REPS1: variants seen among roughly 807,000 people sequenced by gnomAD.
REPS1 encodes RALBP1 associated Eps domain containing 1, also known as ralBP1-associated Eps domain-containing protein 1.
A neutral mutation model predicts 100.9 loss-of-function variants in REPS1; 39 were observed. The ratio of observed to expected loss-of-function variants is 0.39; its 90% CI spans 0.30 to 0.50. REPS1 has a LOEUF of 0.50. REPS1 is among the 20% of genes least tolerant of loss of function. The pLI is 0.86. For missense variants in REPS1, 821 were observed against 968.5 expected (o/e 0.85, Z 2.02); for synonymous variants, 324 against 340.3 (o/e 0.95, Z 0.53).
chr6:138,904,134 T>A lies in REPS1; in HGVS notation c.*930A>T, dbSNP rs940459604. On this transcript the variant is annotated 3_prime_UTR_variant, in exon 20 of 20. Coordinates refer to ENST00000450536, the MANE Select transcript of REPS1 (RefSeq NM_001286611.2). Reference sequence around the variant, plus strand: ...AATAAATCTTAAAGGGAATATCTGCTGTTAGCAATGGATCGAAATGTATAT... The same window carrying A: ...AATAAATCTTAAAGGGAATATCTGCAGTTAGCAATGGATCGAAATGTATAT... 6.6e-6 allele frequency: 1 copy of A among 152,200 alleles called. No homozygotes were observed. The highest frequency in any genetic ancestry group is 1.5e-5 in the Non-Finnish European group (1 of 68,020). The allele number at this position is 152,200 out of a possible 1,614,324, so 9.4% of individuals were successfully genotyped here.
rs564418995 is a variant in REPS1, at chr6:138,942,618, T to C, written c.980+895A>G. Among the ~76,000 whole-genome samples, 8 of 152,246 alleles carry C rather than the reference T, an allele frequency of 5.3e-5. No homozygotes were observed. In the South Asian group the frequency reaches 1.7e-3, roughly 32 times the overall value. On this transcript the variant is annotated intron_variant, in intron 7 of 19. Transcript: ENST00000450536. ...CACCACACCTTGCTAATTTTTTTCT[T>C]TTTAATAGAGATGGGGTTTCACCAT... is the stretch of plus-strand genomic sequence containing the variant.
At chr6:138,942,968 A>G (rs1003068001) in intron 7 of REPS1, among the ~76,000 whole-genome samples, 3 of 152,054 alleles carry the variant, frequency 2.0e-5, no homozygotes, top group African/African-American at 7.2e-5. Context: ...GGCTGGTCTC[A>G]AACTCCTGAG....
At chr6:138,915,514 G>A (rs1157751327) in intron 14 of REPS1, among the ~76,000 whole-genome samples, 2 of 148,908 alleles carry the variant, frequency 1.3e-5, no homozygotes, top group African/African-American at 5.0e-5. Flanking sequence ...GTGCAGTGAT[G>A]CAATCTTGGC....
chr6:138,909,157 T>C (rs1214043486), intron 17 of REPS1, among the ~76,000 whole-genome samples: 1 of 152,248 alleles, frequency 6.6e-6, no homozygotes, highest in African/African-American at 2.4e-5. Flanking sequence ...GAAATATCTA[T>C]GCATTATCAC....
intron 8 of REPS1, among the ~76,000 whole-genome samples, chr6:138,936,625 G>C (rs182241504): frequency 3.7e-5 from 5 of 136,596 alleles, no homozygotes; most frequent in East Asian, 4.8e-4. Context: ...GTATGTTTGG[G>C]GGGGGGTAGA....
At chr6:138,944,130 T>C in intron 5 of REPS1, 115 bp from the exon 6 acceptor site, 1 of 949,928 alleles carries the variant, frequency 1.1e-6, no homozygotes, top group Non-Finnish European at 1.6e-6. Context: ...ATATTTAAAA[T>C]GTAAAACCAC....
chr6:138,917,615 C>G lies in REPS1; in HGVS notation c.1541G>C (p.Ser514Thr), dbSNP rs756188622. The G allele has an allele frequency of 8.7e-6, 14 of 1,612,844 alleles. No homozygotes were observed. Among genetic ancestry groups the G allele is most frequent in the Non-Finnish European group, 1.2e-5 (14 of 1,179,128 alleles). Reference sequence around the variant, plus strand: ...GTCAGAAGTAAAAGAGTCTGAACTACTGTAACCATCTGCTGATAAATGGGA... The same window carrying G: ...GTCAGAAGTAAAAGAGTCTGAACTAGTGTAACCATCTGCTGATAAATGGGA... ...ASGNTVADGY[S>T]SSDSFTSDPE... The change falls in exon 13 of 20, where the codon AGT becomes ACT. Residue 514 changes from serine to threonine, a missense_variant. Physicochemically the swap from Ser to Thr is moderately conservative, Grantham distance 58 (BLOSUM62 1). Transcript: ENST00000450536.
chr6:138,961,286 G>A (rs1783722661), intron 1 of REPS1, among the ~76,000 whole-genome samples: 1 of 152,084 alleles, frequency 6.6e-6, no homozygotes, highest in African/African-American at 2.4e-5. Context: ...GCCCAGGCTG[G>A]AGTGCAGTGG....
rs776393654 is a variant in REPS1 at position 138,945,577 on chromosome 6, G to A, written c.398C>T (p.Pro133Leu). 2 of 1,613,638 alleles carry A rather than the reference G, an allele frequency of 1.2e-6. No homozygotes were observed. Among genetic ancestry groups the A allele is most frequent in the Non-Finnish European group, 1.7e-6 (2 of 1,179,868 alleles). The change falls in exon 3 of 20, where the codon CCA (proline) becomes CTA (leucine). Residue 133 changes from proline to leucine, a missense_variant. Around this residue, in one of 3 missense-constraint regions of REPS1, gnomAD observed 757 missense variants for 866.4 expected, o/e 0.87. Coordinates refer to ENST00000450536, the MANE Select transcript of REPS1 (RefSeq NM_001286611.2). The stretch of plus-strand genomic sequence containing the variant: ...CTTTTTCACTTGCCCCCTGCCAGGT[G>A]GTGGGGGAATTACACCAGAATACGA... Reference protein sequence around the residue: ...QGSYSGVIPPPPGRGQVKKGS... With the variant: ...QGSYSGVIPPLPGRGQVKKGS...
intron 17 of REPS1, chr6:138,911,061 C>A: frequency 4.6e-6 from 2 of 435,894 alleles, no homozygotes; most frequent in Non-Finnish European, 8.2e-6. Context: ...ATGCAATAAC[C>A]ACTTAAATTT....
chr6:138,914,241 TTTG>T (rs1454313305), intron 15 of REPS1, among the ~76,000 whole-genome samples: 1 of 151,922 alleles, frequency 6.6e-6, no homozygotes, highest in Non-Finnish European at 1.5e-5. Context: ...AGCTAATTTT[TTTG>T]TTTTGTTTTT....
chr6:138,922,712 C>T (rs1186273100), intron 10 of REPS1, among the ~76,000 whole-genome samples: 1 of 152,186 alleles, frequency 6.6e-6, no homozygotes, highest in Non-Finnish European at 1.5e-5. Flanking sequence ...TCAGTTCACA[C>T]TCTGTATATG....
At chr6:138,907,406 G>T in intron 19 of REPS1, 89 bp downstream of exon 19, 1 of 818,468 alleles carries the variant, frequency 1.2e-6, no homozygotes, top group Non-Finnish European at 2.0e-6. Context: ...CCATATATGT[G>T]ATCTTGGAGG....
intron 1 of REPS1, among the ~76,000 whole-genome samples, chr6:138,978,292 T>TC (rs1491360471): frequency 1.4e-5 from 2 of 147,550 alleles, no homozygotes; most frequent in Non-Finnish European, 3.0e-5. Flanking sequence ...CTTTTCCTTT[T>TC]CTTTTTTTTT....
intron 18 of REPS1, among the ~76,000 whole-genome samples, chr6:138,908,406 T>G (rs529152335): frequency 6.6e-6 from 1 of 152,268 alleles, no homozygotes; most frequent in Non-Finnish European, 1.5e-5. Context: ...GCAATTCTCC[T>G]ACCTCAGCTT....
intron 1 of REPS1, among the ~76,000 whole-genome samples, chr6:138,969,230 T>C (rs920608662): frequency 1.3e-5 from 2 of 149,634 alleles, no homozygotes; most frequent in East Asian, 4.0e-4. Flanking sequence ...CTTTCTGCCC[T>C]AGTTGCAAAC....
intron 7 of REPS1, among the ~76,000 whole-genome samples, chr6:138,942,597 A>G (rs1782335712): frequency 1.3e-5 from 2 of 151,738 alleles, no homozygotes; most frequent in Non-Finnish European, 1.5e-5. Flanking sequence ...TTGCACCACC[A>G]CACCTTGCTA....
Position 138,920,394 on chromosome 6 carries a change from C to T in REPS1, c.1427-78G>A, listed in dbSNP as rs139640508. 9.7e-4 allele frequency: 605 copies of T among 623,852 alleles called. 1 individual carries two copies. In the African/African-American group the frequency reaches 0.01, roughly 11 times the overall value. 38.6% of individuals were successfully genotyped at this position (623,852 alleles called of 1,614,324 possible). A position where few individuals can be genotyped will look rare whatever the true frequency, so the allele number is the denominator to read the frequency against. On this transcript the variant is annotated intron_variant, in intron 11 of 19. Transcript: ENST00000450536. ...AACTCATAAAGCTCAGAGTGTAAGA[C>T]TTCATTTAAATATCCAAAGAAGTGG...
intron 8 of REPS1, among the ~76,000 whole-genome samples, chr6:138,937,647 G>C (rs903576921): frequency 3.3e-5 from 5 of 152,218 alleles, no homozygotes; most frequent in African/African-American, 9.6e-5. Flanking sequence ...TGGAGACAGG[G>C]AAGCACACAT....
Sources: gnomAD v4.1 joint callset for allele counts (sites outside exome capture counted in the v4.1 genomes callset) on GRCh38, gnomAD v4.1.1 for gene constraint, gnomAD v4.1.1 regional missense constraint, MANE v1.5 for transcripts, NCBI Gene and HGNC (gene_info 2026-07-23, HGNC 2026-07-21) for gene names.